The following MRPS2 variants were observed in gnomAD, a reference collection of about 807,000 sequenced individuals.
The protein encoded by MRPS2 is small ribosomal subunit protein uS2m.
MRPS2 carries 13 observed loss-of-function variants against 18.9 expected under a neutral mutation model. That is an observed-to-expected ratio of 0.69 (90% CI 0.45 to 1.09). The LOEUF is 1.09. MRPS2 is among the 50% of genes least tolerant of loss of function. The pLI, the probability that MRPS2 is intolerant of heterozygous loss-of-function variation, is 0.00. For missense variants in MRPS2, 389 were observed against 421.7 expected, an observed-to-expected ratio of 0.92 and a Z score of 0.68; for synonymous variants, 186 against 178.4, an observed-to-expected ratio of 1.04 and a Z score of -0.34.
chr9:135,503,302 G>A lies in MRPS2; in HGVS notation c.300-240G>A, dbSNP rs180906685. On this transcript the variant is annotated intron_variant, in intron 3 of 3. Transcript: ENST00000241600. Reference sequence around the variant, plus strand: ...GGGTCAGTTCTATTAGGATTCCTTCGGGAAGAGGTAGAGGGTAGGAGGGGT... The same window carrying A: ...GGGTCAGTTCTATTAGGATTCCTTCAGGAAGAGGTAGAGGGTAGGAGGGGT... 13 of 1,396,044 alleles carry A rather than the reference G, an allele frequency of 9.3e-6. No individual in the cohort carries two copies. In the Admixed American group the frequency reaches 9.5e-5, roughly 10 times the overall value. The allele number at this position is 1,396,044 out of a possible 1,614,324, so 86.5% of individuals were successfully genotyped here.
upstream of MRPS2, chr9:135,500,085 G>C: frequency 1.9e-6 from 1 of 519,518 alleles, no homozygotes; most frequent in Non-Finnish European, 3.3e-6. Context: ...AGCCACCCGC[G>C]GGGGGACCGG....
In MRPS2 at chr9:135,501,890, C is replaced by T. The variant is rs762956095; in HGVS notation, c.216C>T (p.Phe72=). ...ATGAGCCCCTCAAGCACTCTGACTTCTTCAATGTCAAGGAACTGTTTTCCG... is the reference window on the plus strand; with the variant it reads ...ATGAGCCCCTCAAGCACTCTGACTTTTTCAATGTCAAGGAACTGTTTTCCG... ...ILNEPLKHSD[F]FNVKELFSVR... Residue 72 remains phenylalanine (F), a synonymous_variant, in exon 3 of 4, where the codon TTC becomes TTT. Coordinates refer to ENST00000241600, the MANE Select transcript of MRPS2 (RefSeq NM_016034.5). 6.2e-7 allele frequency: 1 copy of T among 1,613,848 alleles called. No individual in the cohort carries two copies. Among genetic ancestry groups the T allele is most frequent in the South Asian group, 1.1e-5 (1 of 91,080 alleles).
At chr9:135,500,473 G>A, upstream of MRPS2, 1 of 459,438 alleles carries the variant, frequency 2.2e-6, no homozygotes, top group African/African-American at 2.1e-5. Context: ...GCAGGGCGGG[G>A]CGAGCTGCAG....
At position 135,500,982 on chromosome 9, in the gene MRPS2, A is replaced by G. The variant is rs367836840; in HGVS notation, c.44-16A>G. On this transcript the variant is annotated splice_polypyrimidine_tract_variant and intron_variant, in intron 1 of 3. Coordinates refer to ENST00000241600, the MANE Select transcript of MRPS2 (RefSeq NM_016034.5). ...TTCGGGACTCGGCGCCAGGACCTCT[A>G]TCTACTTCCCCCCAGGTGCCCGGGC... 1.2e-6 allele frequency: 2 copies of G among 1,610,892 alleles called. No homozygotes were observed. Among genetic ancestry groups the G allele is most frequent in the Admixed American group, 1.7e-5 (1 of 59,950 alleles).
At chr9:135,503,038 T>C in intron 3 of MRPS2, 1 of 941,804 alleles carries the variant, frequency 1.1e-6, no homozygotes, top group Non-Finnish European at 1.3e-6. Flanking sequence ...TGCCCCGCTT[T>C]TCTCAGCCCA....
chr9:135,501,182 G>A lies in MRPS2; in HGVS notation c.169+59G>A, dbSNP rs1017697478. Reference sequence around the variant, plus strand: ...ACGAGGAGAGGCCGGCAGCCGCGGGGGATGCGAACCCTAGAGGGGCCTGGG... The same window carrying A: ...ACGAGGAGAGGCCGGCAGCCGCGGGAGATGCGAACCCTAGAGGGGCCTGGG... On this transcript the variant is annotated intron_variant, in intron 2 of 3. Coordinates refer to ENST00000241600, the MANE Select transcript of MRPS2 (RefSeq NM_016034.5). 6.6e-6 allele frequency: 10 copies of A among 1,516,234 alleles called. No individual in the cohort carries two copies. In the Admixed American group the frequency reaches 2.0e-4, roughly 31 times the overall value. The allele number at this position is 1,516,234 out of a possible 1,614,324, so 93.9% of individuals were successfully genotyped here. A position where few individuals can be genotyped will look rare whatever the true frequency, so the allele number is the denominator to read the frequency against.
upstream of MRPS2, chr9:135,500,106 C>A: frequency 2.0e-6 from 1 of 496,918 alleles, no homozygotes; most frequent in Non-Finnish European, 3.5e-6. Flanking sequence ...GCCACCCCAG[C>A]ATCAGGGCGT....
chr9:135,502,131 G>A, intron 3 of MRPS2, 158 bp downstream of exon 3: 1 of 1,442,374 alleles, frequency 6.9e-7, no homozygotes, highest in Non-Finnish European at 9.1e-7. Flanking sequence ...AGAGAAGCAG[G>A]AGTTTATTCC....
intron 3 of MRPS2, 146 bp from the exon 4 acceptor site, chr9:135,503,396 G>A (rs748158659): frequency 7.2e-6 from 10 of 1,393,636 alleles, no homozygotes; most frequent in Non-Finnish European, 9.5e-6. Flanking sequence ...TGCACACGGG[G>A]AGCGTTGCAA....
At chr9:135,500,919 G>C in intron 1 of MRPS2, 79 bp from the exon 2 acceptor site, 1 of 1,589,022 alleles carries the variant, frequency 6.3e-7, no homozygotes, top group Non-Finnish European at 8.6e-7. Context: ...GACGCGGAGG[G>C]GCCCGTTGGG....
At chr9:135,500,605 C>T, upstream of MRPS2, 6 of 1,255,588 alleles carry the variant, frequency 4.8e-6, no homozygotes, top group Non-Finnish European at 6.2e-6. Flanking sequence ...CGCTGTGGCT[C>T]CTCCGGGCCT....
rs781016980 is a variant in MRPS2, at chr9:135,503,870, A to G, written c.628A>G (p.Arg210Gly). 6 of 1,613,970 alleles carry G rather than the reference A, an allele frequency of 3.7e-6. No individual in the cohort carries two copies. Among genetic ancestry groups the G allele is most frequent in the Non-Finnish European group, 5.1e-6 (6 of 1,180,042 alleles). ...CATCTTTGAGCCACACGTGGCCGTG[A>G]GAGACGCAGCCAAGATGAACATCCC... ...NNIFEPHVAV[R>G]DAAKMNIPTV... The change falls in exon 4 of 4, where the codon AGA becomes GGA. Residue 210 changes from arginine (R) to glycine (G), a missense_variant. Coordinates refer to ENST00000241600, the MANE Select transcript of MRPS2 (RefSeq NM_016034.5).
At chr9:135,502,154 A>C (rs757149096) in intron 3 of MRPS2, 181 bp downstream of exon 3, 83 of 1,405,442 alleles carry the variant, frequency 5.9e-5, no homozygotes, top group Non-Finnish European at 7.4e-5. Flanking sequence ...AGCTTGGCGG[A>C]CGCTCTTGTG....
intron 3 of MRPS2, 45 bp from the exon 4 acceptor site, chr9:135,503,497 C>G: frequency 6.4e-7 from 1 of 1,559,432 alleles, no homozygotes; most frequent in Middle Eastern, 1.7e-4. Context: ...GTGGAGATGG[C>G]CCCGTGAACT....
At chr9:135,501,359 C>T in intron 2 of MRPS2, 1 of 1,384,630 alleles carries the variant, frequency 7.2e-7, no homozygotes, top group South Asian at 1.6e-5. Context: ...GTGGTTAGCA[C>T]AGGCTTCGCT....
At chr9:135,500,668 G>C (rs1831088454), upstream of MRPS2, 1 of 1,422,774 alleles carries the variant, frequency 7.0e-7, no homozygotes, top group Non-Finnish European at 9.1e-7. Flanking sequence ...AGGCCGCTCG[G>C]CCTGGCCTGG....
At position 135,501,851 on chromosome 9, in the gene MRPS2, C is replaced by G. The variant is rs754512074; in HGVS notation, c.177C>G (p.Asn59Lys). 6.2e-7 allele frequency: 1 copy of G among 1,613,538 alleles called. No individual in the cohort carries two copies. The highest frequency in any genetic ancestry group is 8.5e-7 in the Non-Finnish European group (1 of 1,179,886). The change falls in exon 3 of 4, where the codon AAC becomes AAG. Residue 59 changes from asparagine to lysine, a missense_variant. Coordinates refer to ENST00000241600, the MANE Select transcript of MRPS2 (RefSeq NM_016034.5). The stretch of plus-strand genomic sequence containing the variant: ...TCCTCCTCCCTGCCGTAGATTTCAA[C>G]GACAAGATTTTGAATGAGCCCCTCA... ...IRESEDSTDF[N>K]DKILNEPLKH...
intron 1 of MRPS2, 96 bp downstream of exon 1, chr9:135,500,849 CCGGGGCGAGCGCGGAGGGGACT>C: frequency 6.7e-7 from 1 of 1,494,578 alleles, no homozygotes; most frequent in Middle Eastern, 2.2e-4. Context: ...TGGAGGGGAC[CCGGGGCGAGCGCGGAGGGGACT>C]CGGGGAGGGC....
At chr9:135,502,127 G>A in intron 3 of MRPS2, 154 bp downstream of exon 3, 21 of 1,447,174 alleles carry the variant, frequency 1.5e-5, no homozygotes, top group Non-Finnish European at 1.9e-5. Flanking sequence ...CCACAGAGAA[G>A]CAGGAGTTTA....
Sources: allele counts gnomAD v4.1 joint callset, GRCh38; gene constraint gnomAD v4.1.1; transcripts MANE v1.5; gene names NCBI Gene and HGNC (gene_info 2026-07-23, HGNC 2026-07-21).